Variants in BRINP3 observed in about 807,000 individuals in gnomAD.
BRINP3 encodes BMP/retinoic acid inducible neural specific 3.
Under a neutral mutation model 71.0 loss-of-function variants are expected in BRINP3, and 19 were observed. The observed-to-expected ratio is 0.27, with a 90% CI of 0.19 to 0.39. The LOEUF (loss-of-function observed/expected upper bound fraction) is 0.39. BRINP3 is among the 10% of genes least tolerant of loss of function. BRINP3 has a pLI of 1.00. For missense variants in BRINP3, 959 were observed against 940.8 expected (o/e 1.02, Z -0.25); for synonymous variants, 380 against 337.7 (o/e 1.13, Z -1.37).
At chr1:190,242,274 A>G (rs971512904) in intron 4 of BRINP3, among the ~76,000 whole-genome samples, 2 of 152,046 alleles carry the variant, frequency 1.3e-5, no homozygotes, top group East Asian at 3.8e-4. Context: ...ATGTCCTCAA[A>G]TAAAAAATAT....
intron 1 of BRINP3, among the ~76,000 whole-genome samples, chr1:190,471,587 C>G (rs1337775050): frequency 6.6e-6 from 1 of 151,268 alleles, no homozygotes; most frequent in Non-Finnish European, 1.5e-5. Flanking sequence ...GGATGTCATC[C>G]TAATTAATTC....
rs76760665 is a variant in BRINP3 at position 190,405,746 on chromosome 1, C to T, written c.236+48909G>A. 8.6e-3 allele frequency among the ~76,000 whole-genome samples: 1,313 copies of T among 152,246 alleles called. 12 individuals are homozygous for T. Among genetic ancestry groups the T allele is most frequent in the African/African-American group, 0.029 (1,201 of 41,550 alleles). On this transcript the variant is annotated intron_variant, in intron 2 of 7. Transcript: ENST00000367462. ...TGTTCTATTATCCAATGTAATCTTT[C>T]GGGATTCTGGATGTGGATTTAGGGA... is the stretch of plus-strand genomic sequence containing the variant.
At chr1:190,149,855 AC>A (rs1310814255) in intron 7 of BRINP3, among the ~76,000 whole-genome samples, 1 of 152,106 alleles carries the variant, frequency 6.6e-6, no homozygotes, top group Non-Finnish European at 1.5e-5. Context: ...TAATACAACC[AC>A]CACAGCAAAC....
intron 3 of BRINP3, among the ~76,000 whole-genome samples, chr1:190,268,070 G>T (rs1200927262): frequency 6.6e-6 from 1 of 151,942 alleles, no homozygotes; most frequent in East Asian, 1.9e-4. Context: ...TATTAAAAAT[G>T]CTTATCTCAT....
chr1:190,163,727 A>G (rs1242240676), intron 6 of BRINP3, among the ~76,000 whole-genome samples: 5 of 152,080 alleles, frequency 3.3e-5, no homozygotes, highest in African/African-American at 1.2e-4. Context: ...AACTCTCTGG[A>G]CTACTACTAC....
At chr1:190,201,940 T>A (rs950167746) in intron 6 of BRINP3, among the ~76,000 whole-genome samples, 5 of 152,068 alleles carry the variant, frequency 3.3e-5, no homozygotes, top group Non-Finnish European at 5.9e-5. Context: ...AGAAGGGAAA[T>A]GTGGCGTCAG....
At chr1:190,346,304 T>C (rs1245350488) in intron 2 of BRINP3, among the ~76,000 whole-genome samples, 3 of 152,058 alleles carry the variant, frequency 2.0e-5, no homozygotes, top group South Asian at 4.1e-4. Context: ...ATAACTAATA[T>C]AGGAAAATAA....
intron 6 of BRINP3, among the ~76,000 whole-genome samples, chr1:190,187,681 C>G (rs1653653795): frequency 6.6e-6 from 1 of 152,072 alleles, no homozygotes; most frequent in African/African-American, 2.4e-5. Flanking sequence ...AAAAGTAGTT[C>G]ACTGTAAATG....
chr1:190,424,915 AG>A (rs1481829873), intron 2 of BRINP3, among the ~76,000 whole-genome samples: 1 of 151,650 alleles, frequency 6.6e-6, no homozygotes, highest in Non-Finnish European at 1.5e-5. Context: ...TGTTTGAAAC[AG>A]CACACCCTGG....
chr1:190,281,850 T>C, intron 2 of BRINP3, 100 bp from the exon 3 acceptor site: 1 of 1,030,892 alleles, frequency 9.7e-7, no homozygotes, highest in Non-Finnish European at 1.4e-6. Flanking sequence ...ACAATGTCTC[T>C]TGCTTGTAAT....
At chr1:190,451,086 G>A (rs1239702902) in intron 2 of BRINP3, among the ~76,000 whole-genome samples, 2 of 151,922 alleles carry the variant, frequency 1.3e-5, no homozygotes, top group Non-Finnish European at 2.9e-5. Context: ...AATATGACAT[G>A]TCTGTATAAT....
At chr1:190,122,207 C>T (rs1653726802) in intron 7 of BRINP3, among the ~76,000 whole-genome samples, 1 of 152,038 alleles carries the variant, frequency 6.6e-6, no homozygotes, top group Non-Finnish European at 1.5e-5. Context: ...GCCTTGAATT[C>T]ATACATTTGT....
At chr1:190,367,359 G>A (rs1267040271) in intron 2 of BRINP3, among the ~76,000 whole-genome samples, 1 of 152,162 alleles carries the variant, frequency 6.6e-6, no homozygotes, top group East Asian at 1.9e-4. Context: ...TGGGATGCAG[G>A]ACACCATGTC....
At chr1:190,396,829 A>G (rs538712695) in intron 2 of BRINP3, among the ~76,000 whole-genome samples, 1 of 150,010 alleles carries the variant, frequency 6.7e-6, no homozygotes, top group Admixed American at 6.7e-5. Context: ...GAGGGTGCAA[A>G]TGGGGAAGAA....
chr1:190,261,813 A>C (rs1214699138), intron 4 of BRINP3, among the ~76,000 whole-genome samples: 1 of 152,214 alleles, frequency 6.6e-6, no homozygotes, highest in African/African-American at 2.4e-5. Context: ...GCATACAAGC[A>C]ATGCATTGAA....
chr1:190,364,848 T>C lies in BRINP3; in HGVS notation c.237-83098A>G, dbSNP rs533222334. Among the ~76,000 whole-genome samples, 6 of 152,178 alleles carry C rather than the reference T, an allele frequency of 3.9e-5. No individual in the cohort carries two copies. The South Asian group carries it at 1.2e-3, about 32-fold the overall frequency. On this transcript the variant is annotated intron_variant, in intron 2 of 7. Coordinates refer to ENST00000367462, the MANE Select transcript of BRINP3 (RefSeq NM_199051.3). The stretch of plus-strand genomic sequence containing the variant: ...AAACTAGCTAAGTCTAAAGATATAA[T>C]TTGAAGGAGAGAATGGAACAAGTTA...
intron 2 of BRINP3, among the ~76,000 whole-genome samples, chr1:190,322,415 C>T (rs1666303425): frequency 1.3e-5 from 2 of 151,964 alleles, no homozygotes; most frequent in Admixed American, 6.6e-5. Context: ...GACCGGTAGG[C>T]CTAAATGTGC....
chr1:190,277,087 T>TATATATATATATATATATA (rs1553276640), intron 3 of BRINP3, among the ~76,000 whole-genome samples: 3 of 36,004 alleles, frequency 8.3e-5, no homozygotes, highest in Non-Finnish European at 1.3e-4. Context: ...AATTTTGGTT[T>TATATATATATATATATATA]TATATATATA....
intron 2 of BRINP3, among the ~76,000 whole-genome samples, chr1:190,332,630 A>G (rs1057431130): frequency 1.3e-5 from 2 of 151,918 alleles, no homozygotes; most frequent in African/African-American, 4.8e-5. Context: ...GCTTTCTTTT[A>G]TTCATATGTT....
Sources: gnomAD v4.1 joint callset for allele counts (sites outside exome capture counted in the v4.1 genomes callset) on GRCh38, gnomAD v4.1.1 for gene constraint, MANE v1.5 for transcripts, NCBI Gene and HGNC (gene_info 2026-07-23, HGNC 2026-07-21) for gene names.